The following LRRC4C variants were observed in gnomAD, a reference collection of about 807,000 sequenced individuals.
LRRC4C encodes the protein leucine-rich repeat-containing protein 4C.
A neutral mutation model predicts 33.6 loss-of-function variants in LRRC4C; 5 were observed. The observed-to-expected ratio is 0.15, with a 90% CI of 0.08 to 0.31. The LOEUF is 0.31. Ranked by LOEUF, LRRC4C falls within the 10% of genes least tolerant of loss-of-function variation. The probability of loss-of-function intolerance (pLI) is 1.00; values close to 1 mark genes in which losing one functional copy is unlikely to be tolerated. For missense variants in LRRC4C, 560 were observed against 796.7 expected, an observed-to-expected ratio of 0.70 and a Z score of 3.58; for synonymous variants, 329 against 302.0, an observed-to-expected ratio of 1.09 and a Z score of -0.93.
At chr11:40,907,449 G>A (rs1441670835) in intron 2 of LRRC4C, among the ~76,000 whole-genome samples, 1 of 152,166 alleles carries the variant, frequency 6.6e-6, no homozygotes, top group Admixed American at 6.5e-5. Context: ...AATCAAAACA[G>A]GCTATTGGAG....
chr11:40,714,882 T>C (rs7125762), intron 2 of LRRC4C, among the ~76,000 whole-genome samples: 1 of 152,018 alleles, frequency 6.6e-6, no homozygotes, highest in South Asian at 2.1e-4. Flanking sequence ...TATATGGAAA[T>C]AATGATATGC....
intron 2 of LRRC4C, among the ~76,000 whole-genome samples, chr11:40,651,574 C>T (rs11035992): frequency 0.2 from 30,137 of 152,014 alleles, 3,418 homozygotes; most frequent in East Asian, 0.47. Context: ...ACCAGTTAAG[C>T]GATTTCCATG....
At chr11:40,558,774 G>C (rs184015902) in intron 3 of LRRC4C, among the ~76,000 whole-genome samples, 2 of 152,082 alleles carry the variant, frequency 1.3e-5, no homozygotes, top group Admixed American at 6.6e-5. Flanking sequence ...CGTGTCATGG[G>C]GGTTTGTTAT....
intron 1 of LRRC4C, among the ~76,000 whole-genome samples, chr11:41,168,202 G>T (rs1944815313): frequency 6.6e-6 from 1 of 152,168 alleles, no homozygotes; most frequent in African/African-American, 2.4e-5. Flanking sequence ...GATACTGAAT[G>T]ACCACCAGGC....
chr11:41,366,810 A>G (rs1166150892), intron 1 of LRRC4C, among the ~76,000 whole-genome samples: 1 of 152,172 alleles, frequency 6.6e-6, no homozygotes, highest in Non-Finnish European at 1.5e-5. Context: ...TATCTACAAG[A>G]CAAGGAGAAA....
chr11:40,461,973 G>C (rs942148389), intron 3 of LRRC4C, among the ~76,000 whole-genome samples: 4 of 151,750 alleles, frequency 2.6e-5, no homozygotes, highest in Admixed American at 1.3e-4. Flanking sequence ...TGGAAAGGAG[G>C]GGAACAGGAA....
chr11:40,803,727 C>T (rs1346176185), intron 2 of LRRC4C, among the ~76,000 whole-genome samples: 1 of 152,148 alleles, frequency 6.6e-6, no homozygotes, highest in Non-Finnish European at 1.5e-5. Context: ...CCCGCCTCGG[C>T]CTCCCAAAGT....
chr11:40,630,834 T>G (rs2136016529), intron 3 of LRRC4C, among the ~76,000 whole-genome samples: 1 of 152,252 alleles, frequency 6.6e-6, no homozygotes, highest in South Asian at 2.1e-4. Flanking sequence ...CCCCACAGAT[T>G]TCACTTTGTA....
chr11:40,241,211 GTC>G (rs1199384414), intron 5 of LRRC4C, among the ~76,000 whole-genome samples: 1 of 151,972 alleles, frequency 6.6e-6, no homozygotes, highest in Non-Finnish European at 1.5e-5. Flanking sequence ...CAAGAGCCCT[GTC>G]TCTATGAAAA....
chr11:41,175,315 T>G (rs1265627159), intron 1 of LRRC4C, among the ~76,000 whole-genome samples: 2 of 152,206 alleles, frequency 1.3e-5, no homozygotes, highest in Non-Finnish European at 2.9e-5. Flanking sequence ...ATTGATTATT[T>G]TTGTTATTCC....
At chr11:41,375,372 T>C (rs558611273) in intron 1 of LRRC4C, among the ~76,000 whole-genome samples, 1 of 152,268 alleles carries the variant, frequency 6.6e-6, no homozygotes, top group South Asian at 2.1e-4. Context: ...GGAGGAGATG[T>C]ACATTTGATA....
chr11:40,932,492 A>G (rs984953259), intron 2 of LRRC4C, among the ~76,000 whole-genome samples: 1 of 152,158 alleles, frequency 6.6e-6, no homozygotes, highest in African/African-American at 2.4e-5. Context: ...TTCCAGGATT[A>G]GAGAAACATG....
chr11:41,201,902 A>G (rs1041504510), intron 1 of LRRC4C, among the ~76,000 whole-genome samples: 1 of 65,390 alleles, frequency 1.5e-5, no homozygotes, highest in African/African-American at 5.3e-5. Context: ...CTCTACACAC[A>G]CACACATACA....
At chr11:40,198,596 A>T (rs183758015) in intron 5 of LRRC4C, among the ~76,000 whole-genome samples, 149 of 152,308 alleles carry the variant, frequency 9.8e-4, no homozygotes, top group Non-Finnish European at 1.7e-3. Flanking sequence ...ATAAAGTTCC[A>T]TTTTAAATTC....
At chr11:40,846,403 C>A (rs1255128678) in intron 2 of LRRC4C, among the ~76,000 whole-genome samples, 1 of 152,132 alleles carries the variant, frequency 6.6e-6, no homozygotes, top group Non-Finnish European at 1.5e-5. Context: ...ATATGGCTAG[C>A]AAGTTTTTCC....
At chr11:40,175,382 C>T (rs1299361147) in intron 5 of LRRC4C, among the ~76,000 whole-genome samples, 5 of 152,216 alleles carry the variant, frequency 3.3e-5, no homozygotes, top group East Asian at 3.8e-4. Context: ...AAAACCAGAC[C>T]GGCTTGTCTC....
intron 3 of LRRC4C, among the ~76,000 whole-genome samples, chr11:40,621,581 G>A (rs1305989934): frequency 1.3e-5 from 2 of 151,596 alleles, no homozygotes; most frequent in African/African-American, 4.8e-5. Flanking sequence ...GATGCTTTTA[G>A]CAATGTTTGT....
chr11:41,040,366 A>T (rs981469933), intron 1 of LRRC4C, among the ~76,000 whole-genome samples: 3 of 152,264 alleles, frequency 2.0e-5, no homozygotes, highest in Admixed American at 2.0e-4. Flanking sequence ...ATAAGTGAGT[A>T]TTTACTGAAT....
At chr11:40,191,352 C>T (rs1325427913) in intron 5 of LRRC4C, among the ~76,000 whole-genome samples, 1 of 152,214 alleles carries the variant, frequency 6.6e-6, no homozygotes, top group Non-Finnish European at 1.5e-5. Context: ...TCACCTTCTC[C>T]AGTCCACACT....
Sources: allele counts gnomAD v4.1 joint callset (sites outside exome capture counted in the v4.1 genomes callset), GRCh38; gene constraint gnomAD v4.1.1; transcripts MANE v1.5; gene names NCBI Gene and HGNC (gene_info 2026-07-23, HGNC 2026-07-21).